The following VSIG1 variants were observed in gnomAD, a reference collection of about 807,000 sequenced individuals.
VSIG1 encodes V-set and immunoglobulin domain-containing protein 1.
In VSIG1, 11 loss-of-function variants were observed where a neutral mutation model predicts 20.1. The observed-to-expected ratio is 0.55, with a 90% CI of 0.34 to 0.91. The LOEUF is 0.91. VSIG1 is among the 40% of genes least tolerant of loss of function. The pLI, the probability that VSIG1 is intolerant of heterozygous loss-of-function variation, is 0.02. For missense variants in VSIG1, 283 were observed against 298.8 expected (o/e 0.95, Z 0.39); for synonymous variants, 126 against 116.7 (o/e 1.08, Z -0.52).
chrX:108,070,622 G>A, intron 3 of VSIG1, among the ~76,000 whole-genome samples: 2 of 111,939 alleles, frequency 1.8e-5, no homozygotes. Context: ...CTATTCTGCT[G>A]TAAAGGCTAT....
chrX:108,032,764 G>C, the VSIG1 span, among the ~76,000 whole-genome samples: 1 of 111,604 alleles, frequency 9.0e-6, no homozygotes, highest in Non-Finnish European at 1.9e-5. Context: ...GGCTGCAGAA[G>C]GCTGAGCAAA....
chrX:108,066,458 C>A (rs1178266863), intron 2 of VSIG1, among the ~76,000 whole-genome samples: 2 of 111,250 alleles, frequency 1.8e-5, no homozygotes, highest in African/African-American at 6.5e-5. Context: ...CTAAAAGGAG[C>A]ATGAACATTT....
intron 2 of VSIG1, among the ~76,000 whole-genome samples, chrX:108,062,619 C>T (rs1602576021): frequency 8.9e-6 from 1 of 111,981 alleles, no homozygotes; most frequent in African/African-American, 3.2e-5. Context: ...GATACCCAGG[C>T]AAATGGAGGG....
chrX:108,053,782 A>G (rs1036140485), intron 1 of VSIG1, among the ~76,000 whole-genome samples: 1 of 111,781 alleles, frequency 8.9e-6, no homozygotes, highest in African/African-American at 3.2e-5. Flanking sequence ...GAACACAATC[A>G]CATAATTTTT....
At chrX:108,065,558 A>G (rs143475595) in intron 2 of VSIG1, among the ~76,000 whole-genome samples, 4 of 112,131 alleles carry the variant, frequency 3.6e-5, no homozygotes, top group African/African-American at 9.7e-5. Context: ...GACCTCAGGA[A>G]TTACCTAATC....
chrX:108,050,530 A>G (rs2030763728), intron 1 of VSIG1, among the ~76,000 whole-genome samples: 1 of 112,437 alleles, frequency 8.9e-6, no homozygotes, highest in East Asian at 2.8e-4. Context: ...ATAAGATAAG[A>G]CAGTGACTGT....
At chrX:108,056,077 G>A (rs761842090) in intron 1 of VSIG1, among the ~76,000 whole-genome samples, 6 of 111,159 alleles carry the variant, frequency 5.4e-5, no homozygotes, top group Non-Finnish European at 7.6e-5. Context: ...CTCCCTCTCC[G>A]TTTTCTTATA....
intron 1 of VSIG1, among the ~76,000 whole-genome samples, chrX:108,045,438 T>A (rs1397213214): frequency 2.7e-5 from 3 of 112,738 alleles, no homozygotes; most frequent in Admixed American, 9.4e-5. Flanking sequence ...TTTATTACTT[T>A]ACTTACTTTG....
intron 1 of VSIG1, among the ~76,000 whole-genome samples, chrX:108,052,979 A>G (rs1001647966): frequency 9.0e-6 from 1 of 111,701 alleles, no homozygotes; most frequent in African/African-American, 3.2e-5. Flanking sequence ...AAATAAAATA[A>G]CAAAAATGAA....
chrX:108,066,126 T>A, intron 2 of VSIG1, among the ~76,000 whole-genome samples: 1 of 111,391 alleles, frequency 9.0e-6, no homozygotes, highest in East Asian at 2.8e-4. Flanking sequence ...GGGACTAGAA[T>A]CCAGATCTTA....
At chrX:108,065,231 G>A (rs1050661577) in intron 2 of VSIG1, among the ~76,000 whole-genome samples, 5 of 111,599 alleles carry the variant, frequency 4.5e-5, no homozygotes, top group Admixed American at 9.5e-5. Flanking sequence ...ATATCTTTTG[G>A]TTTTCTAATT....
the VSIG1 span, among the ~76,000 whole-genome samples, chrX:108,021,239 T>A: frequency 8.9e-6 from 1 of 111,951 alleles, no homozygotes; most frequent in African/African-American, 3.3e-5. Flanking sequence ...CAGAGTTTTT[T>A]TCACTTCTCT....
chrX:108,035,553 A>G, the VSIG1 span, among the ~76,000 whole-genome samples: 158 of 109,790 alleles, frequency 1.4e-3, no homozygotes, highest in Middle Eastern at 4.6e-3. Flanking sequence ...TTCAAAATTC[A>G]TGATCAAATC....
At chrX:108,048,229 C>T (rs1047236787) in intron 1 of VSIG1, among the ~76,000 whole-genome samples, 20 of 107,738 alleles carry the variant, frequency 1.9e-4, no homozygotes, top group African/African-American at 6.8e-4. Context: ...TCTTGAACTC[C>T]CAACCTCAGG....
chrX:108,073,918 CA>C (rs2031302290), intron 5 of VSIG1: 1 of 111,737 alleles, frequency 8.9e-6, no homozygotes, highest in African/African-American at 3.3e-5. Context: ...CACTGAAGCT[CA>C]GGGAAGTAAA....
chrX:108,033,369 G>C, the VSIG1 span, among the ~76,000 whole-genome samples: 1 of 112,053 alleles, frequency 8.9e-6, no homozygotes, highest in African/African-American at 3.2e-5. Flanking sequence ...GTGTCTTAAC[G>C]CTTTCTGCAT....
intron 3 of VSIG1, among the ~76,000 whole-genome samples, chrX:108,068,886 C>T (rs1242242118): frequency 2.7e-5 from 3 of 112,117 alleles, no homozygotes; most frequent in Non-Finnish European, 5.6e-5. Flanking sequence ...GTCAGTCCAC[C>T]TTTCTCTGAC....
rs2031383374 is a variant in VSIG1 at position 108,077,890 on chromosome X, G to T, written c.*509G>T. The T allele has an allele frequency of 8.8e-6, 1 of 113,647 alleles. No individual in the cohort carries two copies. The highest frequency in any genetic ancestry group is 1.9e-5 in the Non-Finnish European group (1 of 53,965). The allele number at this position is 113,647 out of a possible 1,213,427, so 9.4% of individuals were successfully genotyped here. On this transcript the variant is annotated 3_prime_UTR_variant, in exon 7 of 7. Transcript: ENST00000217957. ...GCCCGGCTAATTTTTTGTATTTTTAGTAGAGATGGGGTTTCACGTTGTTAG... is the reference window on the plus strand; with the variant it reads ...GCCCGGCTAATTTTTTGTATTTTTATTAGAGATGGGGTTTCACGTTGTTAG...
Position 108,067,001 on chromosome X carries a change from C to T in VSIG1, c.279C>T (p.Ser93=). 1 of 1,211,061 alleles carries T rather than the reference C, an allele frequency of 8.3e-7. No homozygotes were observed. Among genetic ancestry groups the T allele is most frequent in the Non-Finnish European group, 1.1e-6 (1 of 895,153 alleles). The change falls in exon 3 of 7, where the codon TCC becomes TCT. Residue 93 remains serine (S), a synonymous_variant. Transcript: ENST00000217957. The stretch of plus-strand genomic sequence containing the variant: ...AATTTAAAGATCGAATTACAGGGTC[C>T]AACGATCCAGGTAATGCATCTATCA... ...IGQFKDRITG[S]NDPGNASITI... is the part of the protein sequence containing the mutation.
Sources: gnomAD v4.1 joint callset for allele counts (sites outside exome capture counted in the v4.1 genomes callset) on GRCh38, gnomAD v4.1.1 for gene constraint, MANE v1.5 for transcripts, NCBI Gene and HGNC (gene_info 2026-07-23, HGNC 2026-07-21) for gene names.